Variants in CSMD1 observed in about 807,000 individuals in gnomAD.
CSMD1 encodes CUB and Sushi multiple domains 1.
In CSMD1, 213 loss-of-function variants were observed where a neutral mutation model predicts 417.5. That is an observed-to-expected ratio of 0.51 (90% CI 0.46 to 0.57). The LOEUF (loss-of-function observed/expected upper bound fraction) is 0.57, where lower values mean the gene tolerates loss of function less well. CSMD1 is among the 20% of genes least tolerant of loss of function. The pLI, the probability that CSMD1 is intolerant of heterozygous loss-of-function variation, is 0.00. For missense variants in CSMD1, 6,923 were observed against 4,529.7 expected, an observed-to-expected ratio of 1.53 and a Z score of -15.17; for synonymous variants, 2,862 against 1,736.8, an observed-to-expected ratio of 1.65 and a Z score of -16.11.
intron 1 of CSMD1, among the ~76,000 whole-genome samples, chr8:4,800,062 G>C (rs1798193378): frequency 6.6e-6 from 1 of 152,088 alleles, no homozygotes; most frequent in African/African-American, 2.4e-5. Context: ...CCAAAAATTT[G>C]AATGATATAA....
At chr8:3,368,583 C>G (rs1382276073) in intron 19 of CSMD1, among the ~76,000 whole-genome samples, 3 of 152,142 alleles carry the variant, frequency 2.0e-5, no homozygotes, top group Non-Finnish European at 4.4e-5. Context: ...AGGTGATACA[C>G]CTGTCTTGGC....
rs530092888 is a variant in CSMD1, at chr8:2,968,695, A to G, written c.8924-1949T>C. ...TCTATCAATGCAATTATGTAAAATT[A>G]TAAGACAGGACTAAGACTAAAACAA... On this transcript the variant is annotated intron_variant, in intron 57 of 69. Coordinates refer to ENST00000635120, the MANE Select transcript of CSMD1 (RefSeq NM_033225.6). Among the ~76,000 whole-genome samples the G allele has an allele frequency of 3.3e-4, 51 of 152,324 alleles. 1 individual carries two copies. Among genetic ancestry groups the G allele is most frequent in the Non-Finnish European group, 6.8e-4 (46 of 68,006 alleles).
intron 23 of CSMD1, among the ~76,000 whole-genome samples, chr8:3,317,540 C>T (rs1805854836): frequency 6.6e-6 from 1 of 152,038 alleles, no homozygotes; most frequent in African/African-American, 2.4e-5. Flanking sequence ...CTTTGTATAG[C>T]AAGGGGTGAA....
At chr8:4,884,349 T>C (rs190148464) in intron 1 of CSMD1, among the ~76,000 whole-genome samples, 43 of 152,160 alleles carry the variant, frequency 2.8e-4, no homozygotes, top group African/African-American at 9.9e-4. Flanking sequence ...CCTGATGATT[T>C]CCTTTGAGGT....
intron 41 of CSMD1, among the ~76,000 whole-genome samples, chr8:3,131,838 G>A (rs1156888481): frequency 1.3e-5 from 2 of 152,110 alleles, no homozygotes; most frequent in Admixed American, 1.3e-4. Context: ...ATTAATTAAA[G>A]CTTAAGGGGA....
At chr8:4,253,151 TA>T (rs1415101542) in intron 3 of CSMD1, among the ~76,000 whole-genome samples, 1 of 152,230 alleles carries the variant, frequency 6.6e-6, no homozygotes, top group Admixed American at 6.5e-5. Context: ...TCTAAAACGA[TA>T]AACTCATTAG....
intron 49 of CSMD1, among the ~76,000 whole-genome samples, chr8:3,067,921 T>C (rs1813051500): frequency 6.6e-6 from 1 of 152,090 alleles, no homozygotes; most frequent in East Asian, 1.9e-4. Flanking sequence ...TTATCCAGAG[T>C]TCATCTAGTA....
chr8:4,335,862 C>A (rs973603387), intron 3 of CSMD1, among the ~76,000 whole-genome samples: 1 of 151,924 alleles, frequency 6.6e-6, no homozygotes, highest in Non-Finnish European at 1.5e-5. Context: ...CTGGGGAGAA[C>A]AGGGGGACGA....
chr8:4,350,634 G>C (rs909063136), intron 3 of CSMD1, among the ~76,000 whole-genome samples: 3 of 152,192 alleles, frequency 2.0e-5, no homozygotes, highest in East Asian at 3.9e-4. Context: ...ATGGGCTAGA[G>C]AATTGCGAGT....
chr8:3,768,030 A>C (rs1798379226), intron 5 of CSMD1, among the ~76,000 whole-genome samples: 1 of 152,320 alleles, frequency 6.6e-6, no homozygotes, highest in Non-Finnish European at 1.5e-5. Context: ...CCAGGTATAC[A>C]AAACAGAATC....
intron 5 of CSMD1, among the ~76,000 whole-genome samples, chr8:3,824,735 A>G (rs1470663535): frequency 6.6e-6 from 1 of 152,186 alleles, no homozygotes; most frequent in Non-Finnish European, 1.5e-5. Flanking sequence ...CTACTAGAGA[A>G]TTAAAATGAG....
intron 10 of CSMD1, among the ~76,000 whole-genome samples, chr8:3,551,597 T>TATATG (rs1491324597): frequency 1.1e-5 from 1 of 90,620 alleles, no homozygotes; most frequent in Middle Eastern, 5.8e-3. Context: ...TATATATATA[T>TATATG]TTTTTTTTTT....
chr8:4,362,412 G>A (rs1440581844), intron 3 of CSMD1, among the ~76,000 whole-genome samples: 2 of 152,058 alleles, frequency 1.3e-5, no homozygotes, highest in Non-Finnish European at 2.9e-5. Context: ...CAGGTCCGAG[G>A]GATTAGATGT....
chr8:3,423,356 G>C (rs1354634589), intron 12 of CSMD1, among the ~76,000 whole-genome samples: 11 of 151,908 alleles, frequency 7.2e-5, no homozygotes, highest in African/African-American at 2.7e-4. Context: ...CTTGCTCCTG[G>C]CAACCAGTGA....
intron 30 of CSMD1, among the ~76,000 whole-genome samples, chr8:3,206,195 G>A (rs374013313): frequency 6.9e-6 from 1 of 143,890 alleles, no homozygotes; most frequent in African/African-American, 2.6e-5. Flanking sequence ...GAAAGTTAGG[G>A]CTTACAAAAT....
At position 4,445,344 on chromosome 8, in the gene CSMD1, A is replaced by G. The variant is rs76590114; in HGVS notation, c.303-25279T>C. On this transcript the variant is annotated intron_variant, in intron 2 of 69. Transcript: ENST00000635120. ...CATTTTCTGTATACTTCAGAAGTGT[A>G]TGAAGTCTTTTCCTTAATATCTCAT... 2.1e-3 allele frequency among the ~76,000 whole-genome samples: 313 copies of G among 152,322 alleles called. 1 individual carries two copies. The highest frequency in any genetic ancestry group is 3.8e-3 in the Non-Finnish European group (258 of 68,036).
chr8:3,923,612 T>C (rs772516365), intron 5 of CSMD1, among the ~76,000 whole-genome samples: 8 of 152,246 alleles, frequency 5.3e-5, no homozygotes, highest in Non-Finnish European at 1.2e-4. Flanking sequence ...ACTCACCATT[T>C]TTGTGGTTCA....
intron 3 of CSMD1, among the ~76,000 whole-genome samples, chr8:4,275,626 C>A (rs1796441963): frequency 1.3e-5 from 2 of 152,078 alleles, no homozygotes; most frequent in African/African-American, 2.4e-5. Context: ...TACAAAAATT[C>A]ATGTGCACAT....
At chr8:4,064,604 T>G (rs79504919) in intron 3 of CSMD1, among the ~76,000 whole-genome samples, 1 of 152,184 alleles carries the variant, frequency 6.6e-6, no homozygotes, top group African/African-American at 2.4e-5. Context: ...TTTCCGAACG[T>G]GGCAAGGCTC....
Sources: gnomAD v4.1 joint callset for allele counts (sites outside exome capture counted in the v4.1 genomes callset) on GRCh38, gnomAD v4.1.1 for gene constraint, MANE v1.5 for transcripts, NCBI Gene and HGNC (gene_info 2026-07-23, HGNC 2026-07-21) for gene names.